QSER1: variants seen among roughly 807,000 people sequenced by gnomAD.
The protein encoded by QSER1 is glutamine and serine-rich protein 1.
A neutral mutation model predicts 158.5 loss-of-function variants in QSER1; 49 were observed. The ratio of observed to expected loss-of-function variants is 0.31; its 90% CI spans 0.25 to 0.39. The LOEUF (loss-of-function observed/expected upper bound fraction) is 0.39, where lower values mean the gene tolerates loss of function less well. QSER1 is among the 10% of genes least tolerant of loss of function. QSER1 has a pLI of 1.00. For missense variants in QSER1, 1,754 were observed against 2,010.3 expected, an observed-to-expected ratio of 0.87 and a Z score of 2.44; for synonymous variants, 650 against 715.5, an observed-to-expected ratio of 0.91 and a Z score of 1.46.
rs776326856 is a variant in QSER1 at position 32,975,125 on chromosome 11, A to AT, written c.5359-122dup. ...AGTCTCTCCATATTAACCCAACTGA[A>AT]TACCTACCCATATATGTCATTTTCA... On this transcript the variant is annotated intron_variant, in intron 11 of 12. Coordinates refer to ENST00000650167, the MANE Select transcript of QSER1 (RefSeq NM_001076786.3). 64 of 543,154 alleles carry AT rather than the reference A, an allele frequency of 1.2e-4. No homozygotes were observed. In the East Asian group the frequency reaches 1.7e-3, roughly 14 times the overall value. The allele number at this position is 543,154 out of a possible 1,614,324, so 33.6% of individuals were successfully genotyped here. A position where few individuals can be genotyped will look rare whatever the true frequency, so the allele number is the denominator to read the frequency against.
chr11:32,924,098 G>A (rs928054080), intron 1 of QSER1, among the ~76,000 whole-genome samples: 1 of 152,100 alleles, frequency 6.6e-6, no homozygotes, highest in Non-Finnish European at 1.5e-5. Context: ...CTCAAAATGA[G>A]TCACAGACCT....
At chr11:32,940,795 T>C (rs1484193298) in intron 4 of QSER1, among the ~76,000 whole-genome samples, 1 of 152,194 alleles carries the variant, frequency 6.6e-6, no homozygotes, top group East Asian at 1.9e-4. Flanking sequence ...CTCTAAATGA[T>C]TATTTGCATT....
At chr11:32,951,282 C>T (rs908529411) in intron 4 of QSER1, among the ~76,000 whole-genome samples, 12 of 152,022 alleles carry the variant, frequency 7.9e-5, no homozygotes, top group African/African-American at 2.4e-4. Flanking sequence ...CATTCTATTC[C>T]ATTGATTTGT....
At chr11:32,903,784 G>T (rs989162268) in intron 1 of QSER1, among the ~76,000 whole-genome samples, 4 of 152,014 alleles carry the variant, frequency 2.6e-5, no homozygotes, top group African/African-American at 7.3e-5. Context: ...GCTAATTTTT[G>T]TATTTTTAGT....
chr11:32,972,142 A>C (rs985502706), intron 10 of QSER1, among the ~76,000 whole-genome samples: 1 of 151,960 alleles, frequency 6.6e-6, no homozygotes, highest in Non-Finnish European at 1.5e-5. Flanking sequence ...AGTTTGGAGA[A>C]GAGTGGCTTT....
intron 1 of QSER1, among the ~76,000 whole-genome samples, chr11:32,915,780 G>T (rs1851823068): frequency 1.3e-5 from 2 of 152,040 alleles, no homozygotes; most frequent in African/African-American, 4.8e-5. Flanking sequence ...ATTATTATAT[G>T]GTATATGGAG....
At chr11:32,903,093 T>G (rs922485549) in intron 1 of QSER1, among the ~76,000 whole-genome samples, 1 of 152,194 alleles carries the variant, frequency 6.6e-6, no homozygotes, top group African/African-American at 2.4e-5. Flanking sequence ...AGAAGGATGT[T>G]GGGTCTTTGG....
chr11:32,944,745 A>C (rs1251977239), intron 4 of QSER1, among the ~76,000 whole-genome samples: 37 of 136,702 alleles, frequency 2.7e-4, no homozygotes, highest in African/African-American at 9.1e-4. Flanking sequence ...GTAGATGTCT[A>C]TTAGGTCCAC....
Position 32,953,928 on chromosome 11 carries a change from G to A in QSER1, c.4249G>A (p.Val1417Met), listed in dbSNP as rs756619682. 1 of 1,614,176 alleles carries A rather than the reference G, an allele frequency of 6.2e-7. No homozygotes were observed. Among genetic ancestry groups the A allele is most frequent in the East Asian group, 2.2e-5 (1 of 44,884 alleles). ...TACTGCTACTACTTCCTCAACCACT[G>A]TGGGTGCAGTTAAGCAAGAACCTCT... ...TGTATTSSTT[V>M]GAVKQEPLHS... Residue 1417 changes from valine to methionine, a missense_variant, in exon 5 of 13, where the codon GTG (valine) becomes ATG (methionine). Transcript: ENST00000650167.
chr11:32,979,077 C>G lies in QSER1; in HGVS notation c.*2603C>G, dbSNP rs1853028649. 1 of 152,388 alleles carries G rather than the reference C, an allele frequency of 6.6e-6. No homozygotes were observed. Among genetic ancestry groups the G allele is most frequent in the Admixed American group, 6.5e-5 (1 of 15,276 alleles). 9.4% of individuals were successfully genotyped at this position (152,388 alleles called of 1,614,324 possible). A position where few individuals can be genotyped will look rare whatever the true frequency, so the allele number is the denominator to read the frequency against. On this transcript the variant is annotated 3_prime_UTR_variant, in exon 13 of 13. Coordinates refer to ENST00000650167, the MANE Select transcript of QSER1 (RefSeq NM_001076786.3). Reference sequence around the variant, plus strand: ...TTGTAACACAATGGTATTTGTGTATCTAGACATAGAAAACATACAGTAAGA... The same window carrying G: ...TTGTAACACAATGGTATTTGTGTATGTAGACATAGAAAACATACAGTAAGA...
intron 4 of QSER1, among the ~76,000 whole-genome samples, chr11:32,943,354 G>C (rs1234189496): frequency 6.7e-6 from 1 of 149,334 alleles, no homozygotes; most frequent in African/African-American, 2.5e-5. Flanking sequence ...CATTCAGTAT[G>C]ATATTGGCTG....
chr11:32,958,015 G>A lies in QSER1; in HGVS notation c.4898G>A (p.Trp1633Ter). The A allele has an allele frequency of 6.2e-7, 1 of 1,614,026 alleles. No homozygotes were observed. Among genetic ancestry groups the A allele is most frequent in the Non-Finnish European group, 8.5e-7 (1 of 1,179,992 alleles). Residue 1633 changes from tryptophan (W) to a stop codon, truncating the protein, a stop_gained, in exon 8 of 13, where the codon TGG (tryptophan) becomes TAG (stop). Coordinates refer to ENST00000650167, the MANE Select transcript of QSER1 (RefSeq NM_001076786.3). LOFTEE classifies it high-confidence loss of function. ...AEPPPKKRKK[W>*]KEEFSSSQSD... ...CCACCACCAAAGAAACGGAAAAAATGGAAAGAAGAATTTTCATCATCCCAA... is the reference window on the plus strand; with the variant it reads ...CCACCACCAAAGAAACGGAAAAAATAGAAAGAAGAATTTTCATCATCCCAA...
In QSER1 at chr11:32,912,373, T is replaced by C. The variant is rs539645844; in HGVS notation, c.210-14784T>C. ...AGCTATTGCCACTGTTTTGCCCTCA[T>C]AATTTCTTACCTGGATTTCTGCAGT... On this transcript the variant is annotated intron_variant, in intron 1 of 12. Coordinates refer to ENST00000650167, the MANE Select transcript of QSER1 (RefSeq NM_001076786.3). Among the ~76,000 whole-genome samples, 8 of 152,324 alleles carry C rather than the reference T, an allele frequency of 5.3e-5. No homozygotes were observed. In the East Asian group the frequency reaches 1.3e-3, roughly 26 times the overall value.
chr11:32,926,951 T>C (rs992082145), intron 1 of QSER1: 7 of 152,230 alleles, frequency 4.6e-5, no homozygotes, highest in Non-Finnish European at 8.8e-5. Flanking sequence ...TTAAAGAAAA[T>C]ACTGTGTATT....
chr11:32,903,294 C>T (rs574298537), intron 1 of QSER1, among the ~76,000 whole-genome samples: 4 of 151,640 alleles, frequency 2.6e-5, no homozygotes, highest in African/African-American at 9.7e-5. Context: ...ATTCTAGACA[C>T]TATTCTGGGG....
chr11:32,943,232 T>C (rs1852270637), intron 4 of QSER1, among the ~76,000 whole-genome samples: 1 of 151,816 alleles, frequency 6.6e-6, no homozygotes, highest in Non-Finnish European at 1.5e-5. Flanking sequence ...TATTTCCTTC[T>C]CCTGCCTAAT....
rs1852987198 is a variant in QSER1, at chr11:32,976,870, T to C, written c.*396T>C. Reference sequence around the variant, plus strand: ...GCTAAACACCAGAATGACAGAGAAGTGGCAGAAACCATATGTTTGTACTCA... The same window carrying C: ...GCTAAACACCAGAATGACAGAGAAGCGGCAGAAACCATATGTTTGTACTCA... On this transcript the variant is annotated 3_prime_UTR_variant, in exon 13 of 13. Coordinates refer to ENST00000650167, the MANE Select transcript of QSER1 (RefSeq NM_001076786.3). 5.0e-6 allele frequency: 1 copy of C among 199,476 alleles called. No individual in the cohort carries two copies. The highest frequency in any genetic ancestry group is 6.4e-5 in the Admixed American group (1 of 15,660). The allele number at this position is 199,476 out of a possible 1,614,324, so 12.4% of individuals were successfully genotyped here. A position where few individuals can be genotyped will look rare whatever the true frequency, so the allele number is the denominator to read the frequency against.
At chr11:32,958,427 G>A (rs573914977) in intron 8 of QSER1, among the ~76,000 whole-genome samples, 15 of 151,100 alleles carry the variant, frequency 9.9e-5, no homozygotes, top group Admixed American at 4.6e-4. Context: ...TCATTCTGTC[G>A]CCCAGGCTGA....
chr11:32,917,686 C>T (rs137929416), intron 1 of QSER1, among the ~76,000 whole-genome samples: 80 of 151,928 alleles, frequency 5.3e-4, no homozygotes, highest in Non-Finnish European at 9.6e-4. Context: ...ACTAACTGGG[C>T]GTGGTGGCAC....
Sources: gnomAD v4.1 joint callset for allele counts (sites outside exome capture counted in the v4.1 genomes callset) on GRCh38, gnomAD v4.1.1 for gene constraint, MANE v1.5 for transcripts, NCBI Gene and HGNC (gene_info 2026-07-23, HGNC 2026-07-21) for gene names.